Variants in CYRIB observed in about 807,000 individuals in gnomAD.
The protein encoded by CYRIB is CYFIP related Rac1 interactor B.
In CYRIB, 8 loss-of-function variants were observed where a neutral mutation model predicts 44.2. The observed-to-expected ratio is 0.18, with a 90% CI of 0.11 to 0.33. CYRIB has a LOEUF of 0.33. Among genes scored for constraint, CYRIB ranks in the 10% least tolerant of loss-of-function variants. The pLI is 1.00. For missense variants in CYRIB, 185 were observed against 382.8 expected (o/e 0.48, Z 4.31); for synonymous variants, 131 against 127.2 (o/e 1.03, Z -0.20).
chr8:129,852,055 A>G, intron 8 of CYRIB, 107 bp downstream of exon 10: 1 of 582,666 alleles, frequency 1.7e-6, no homozygotes, highest in Non-Finnish European at 2.9e-6. Context: ...TACATCTGGG[A>G]GTCTGTTGGT....
At chr8:129,939,110 C>T (rs1356871234) in intron 1 of CYRIB, among the ~76,000 whole-genome samples, 1 of 151,990 alleles carries the variant, frequency 6.6e-6, no homozygotes, top group Non-Finnish European at 1.5e-5. Flanking sequence ...AAACCAGGGA[C>T]CAGGAGGGCT....
intron 1 of CYRIB, among the ~76,000 whole-genome samples, chr8:129,919,406 T>C (rs929147720): frequency 2.0e-5 from 3 of 152,204 alleles, no homozygotes; most frequent in Non-Finnish European, 2.9e-5. Flanking sequence ...AGACATTCTA[T>C]GTATGGCAAA....
intron 5 of CYRIB, 30 bp downstream of exon 7, chr8:129,862,199 G>A (rs750134379): frequency 7.0e-7 from 1 of 1,420,774 alleles, no homozygotes; most frequent in South Asian, 1.2e-5. Context: ...TTTCACTAGG[G>A]AAGTCACAAT....
chr8:129,851,955 C>A (rs2043482108), intron 8 of CYRIB: 2 of 389,284 alleles, frequency 5.1e-6, no homozygotes, highest in African/African-American at 4.1e-5. Flanking sequence ...TCAGCTATCA[C>A]TGAGGTTTCC....
intron 5 of CYRIB, among the ~76,000 whole-genome samples, chr8:129,857,918 G>A (rs924463609): frequency 6.6e-6 from 1 of 152,194 alleles, no homozygotes; most frequent in African/African-American, 2.4e-5. Context: ...AGCATTCCAA[G>A]TTCTCTACCA....
intron 1 of CYRIB, among the ~76,000 whole-genome samples, chr8:129,910,849 G>A (rs534419960): frequency 6.6e-6 from 1 of 152,310 alleles, no homozygotes; most frequent in East Asian, 1.9e-4. Flanking sequence ...CTGGAATGCA[G>A]TTGTACAATC....
intron 2 of CYRIB, among the ~76,000 whole-genome samples, chr8:129,947,492 C>T (rs1347744333): frequency 6.6e-6 from 1 of 152,222 alleles, no homozygotes; most frequent in Non-Finnish European, 1.5e-5. Flanking sequence ...ATGCCCACTG[C>T]AGTTCCTGCC....
intron 2 of CYRIB, among the ~76,000 whole-genome samples, chr8:129,902,198 G>A (rs1384782109): frequency 1.3e-5 from 2 of 151,986 alleles, no homozygotes; most frequent in Non-Finnish European, 2.9e-5. Flanking sequence ...TAAAATGATG[G>A]GCTGGATTTT....
chr8:129,887,690 A>C (rs1336396236), intron 2 of CYRIB, among the ~76,000 whole-genome samples: 1 of 152,206 alleles, frequency 6.6e-6, no homozygotes, highest in Admixed American at 6.5e-5. Flanking sequence ...CACCCCTTAC[A>C]TCAGTGTGGC....
At chr8:129,931,595 T>C (rs1412591517) in intron 1 of CYRIB, among the ~76,000 whole-genome samples, 4 of 152,098 alleles carry the variant, frequency 2.6e-5, no homozygotes, top group Non-Finnish European at 5.9e-5. Context: ...ACAGCACCAA[T>C]AATAATAATA....
chr8:129,959,114 G>A lies in CYRIB; in HGVS notation c.-243+11829C>T, dbSNP rs910653156. On this transcript the variant is annotated intron_variant, in intron 2 of 14. Transcript: ENST00000401979. ...GGCAGGCAGGATTTCTCTAATAAAAGCTTGAAATGAAAAGCAGTAACTACT... is the reference window on the plus strand; with the variant it reads ...GGCAGGCAGGATTTCTCTAATAAAAACTTGAAATGAAAAGCAGTAACTACT... 5.9e-5 allele frequency among the ~76,000 whole-genome samples: 8 copies of A among 136,222 alleles called. No homozygotes were observed. In the South Asian group the frequency reaches 7.3e-4, roughly 12 times the overall value. The allele number at this position is 136,222 out of a possible 152,430, so 89.4% of individuals were successfully genotyped here. A position where few individuals can be genotyped will look rare whatever the true frequency, so the allele number is the denominator to read the frequency against.
At chr8:129,882,936 G>A (rs1714459575) in intron 2 of CYRIB, among the ~76,000 whole-genome samples, 1 of 151,638 alleles carries the variant, frequency 6.6e-6, no homozygotes. Context: ...AGTGGCTCAC[G>A]CTTGTAATCC....
intron 2 of CYRIB, among the ~76,000 whole-genome samples, chr8:129,892,734 G>A (rs2066005864): frequency 6.6e-6 from 1 of 152,166 alleles, no homozygotes; most frequent in Non-Finnish European, 1.5e-5. Context: ...TGAAGTTCAT[G>A]TGCAATATTC....
At chr8:129,855,687 T>G in exon 6 of CYRIB, 1 of 1,613,998 alleles carries the variant, frequency 6.2e-7, no homozygotes, top group Non-Finnish European at 8.5e-7. Context: ...TCGCTCTAGA[T>G]GCTGGGTGGG....
rs2094512352 is a variant in CYRIB at position 129,951,717 on chromosome 8, A to T, written c.-243+19226T>A. Reference sequence around the variant, plus strand: ...CGAGACTCCATCTCAAAAAAAAAAAAGAAAGAAAATGGTAGAAACACAAGA... The same window carrying T: ...CGAGACTCCATCTCAAAAAAAAAAATGAAAGAAAATGGTAGAAACACAAGA... On this transcript the variant is annotated intron_variant, in intron 2 of 14. Transcript: ENST00000401979. Among the ~76,000 whole-genome samples the T allele has an allele frequency of 2.0e-5, 3 of 148,054 alleles. No individual in the cohort carries two copies. In the Admixed American group the frequency reaches 2.0e-4, roughly 10 times the overall value.
chr8:129,943,851 G>C (rs1162678874), upstream of CYRIB, among the ~76,000 whole-genome samples: 2 of 147,708 alleles, frequency 1.4e-5, no homozygotes, highest in Non-Finnish European at 3.0e-5. Context: ...CGCCCGCCTC[G>C]GCCTCCCAAA....
intron 1 of CYRIB, among the ~76,000 whole-genome samples, chr8:129,977,768 G>C (rs559023032): frequency 6.6e-6 from 1 of 152,084 alleles, no homozygotes; most frequent in Non-Finnish European, 1.5e-5. Context: ...TCCTGACCTC[G>C]TGATCTGCCC....
intron 1 of CYRIB, among the ~76,000 whole-genome samples, chr8:129,994,452 G>A (rs1483807124): frequency 6.6e-6 from 1 of 152,234 alleles, no homozygotes; most frequent in Non-Finnish European, 1.5e-5. Flanking sequence ...CTTTATCTTT[G>A]TATGCCTGTG....
intron 2 of CYRIB, among the ~76,000 whole-genome samples, chr8:129,898,087 TTTTTTTG>T (rs1339820720): frequency 2.4e-4 from 2 of 8,222 alleles, no homozygotes; most frequent in South Asian, 0.021. Context: ...TTTTTTTAAG[TTTTTTTG>T]TTTTTTTTTT....
Sources: gnomAD v4.1 joint callset for allele counts (sites outside exome capture counted in the v4.1 genomes callset) on GRCh38, gnomAD v4.1.1 for gene constraint, MANE v1.5 for transcripts, NCBI Gene and HGNC (gene_info 2026-07-23, HGNC 2026-07-21) for gene names.